Variants in ELOC observed in about 807,000 individuals in gnomAD.
ELOC encodes elongin C.
For synonymous variants in ELOC, 40 were observed against 51.3 expected, an observed-to-expected ratio of 0.78 and a Z score of 0.94; for missense variants, 38 against 139.0, an observed-to-expected ratio of 0.27 and a Z score of 3.65.
chr8:73,971,872 A>G (rs1453488781), intron 1 of ELOC: 1 of 152,206 alleles, frequency 6.6e-6, no homozygotes, highest in Admixed American at 6.6e-5. Context: ...AAACCCACCG[A>G]GCGGCGCCAG....
intron 1 of ELOC, among the ~76,000 whole-genome samples, chr8:73,965,917 G>T (rs1307350748): frequency 6.6e-6 from 1 of 152,082 alleles, no homozygotes; most frequent in East Asian, 1.9e-4. Flanking sequence ...TACAACAGAA[G>T]ATCTGTTAAG....
intron 3 of ELOC, among the ~76,000 whole-genome samples, chr8:73,954,886 T>C (rs1405504394): frequency 6.7e-6 from 1 of 149,140 alleles, no homozygotes; most frequent in Non-Finnish European, 1.5e-5. Context: ...TACAAAAAAT[T>C]AGCCAGGCGT....
rs1033529043 is a variant in ELOC at position 73,966,795 on chromosome 8, CTAATA to C, written c.-51+5277_-51+5281del. ...AGCCCAAGACATGGGTCTTGAATGC[CTAATA>C]TAATAGTAAACAACACTACATAAGA... On this transcript the variant is annotated intron_variant, in intron 1 of 3. Transcript: ENST00000520242. Among the ~76,000 whole-genome samples the C allele has an allele frequency of 5.9e-5, 9 of 152,156 alleles. No homozygotes were observed. The East Asian group carries it at 9.6e-4, about 16-fold the overall frequency.
intron 1 of ELOC, among the ~76,000 whole-genome samples, chr8:73,965,654 A>T (rs1168705084): frequency 1.3e-5 from 2 of 152,232 alleles, no homozygotes; most frequent in Non-Finnish European, 2.9e-5. Context: ...ATATTTGTCA[A>T]AACTAAATGG....
In ELOC at chr8:73,945,208, C is replaced by A. The variant is rs1205193834; in HGVS notation, c.*1422G>T. On this transcript the variant is annotated 3_prime_UTR_variant, in exon 4 of 4. Coordinates refer to ENST00000520242, the MANE Select transcript of ELOC (RefSeq NM_005648.4). The stretch of plus-strand genomic sequence containing the variant: ...TCTCGGCTCACTGCCACCTCCACCT[C>A]CCAGGTTCAAGCGATTCTCATGCCT... 2.0e-5 allele frequency: 3 copies of A among 150,806 alleles called. No individual in the cohort carries two copies. In the East Asian group the frequency reaches 5.9e-4, roughly 30 times the overall value. The allele number at this position is 150,806 out of a possible 1,614,324, so 9.3% of individuals were successfully genotyped here. A position where few individuals can be genotyped will look rare whatever the true frequency, so the allele number is the denominator to read the frequency against.
At chr8:73,953,225 G>T (rs1813892905) in intron 3 of ELOC, among the ~76,000 whole-genome samples, 1 of 152,168 alleles carries the variant, frequency 6.6e-6, no homozygotes, top group Non-Finnish European at 1.5e-5. Flanking sequence ...AGAATCGTTT[G>T]AACCTGGGAG....
chr8:73,950,511 TAAA>T (rs1813684806), intron 3 of ELOC, among the ~76,000 whole-genome samples: 1 of 152,194 alleles, frequency 6.6e-6, no homozygotes, highest in Non-Finnish European at 1.5e-5. Context: ...TTTTAGCTAA[TAAA>T]TGCAAAAAAT....
intron 3 of ELOC, among the ~76,000 whole-genome samples, chr8:73,947,308 G>T (rs1230469261): frequency 6.6e-6 from 1 of 152,086 alleles, no homozygotes; most frequent in South Asian, 2.1e-4. Context: ...TCTCGTAAGA[G>T]ATCCGGACAG....
At position 73,955,760 on chromosome 8, in the gene ELOC, GTC is replaced by G. The variant is rs1814135812; in HGVS notation, c.148+149_148+150del. 8 of 921,018 alleles carry G rather than the reference GTC, an allele frequency of 8.7e-6. No individual in the cohort carries two copies. The East Asian group carries it at 2.2e-4, about 25-fold the overall frequency. 57.1% of individuals were successfully genotyped at this position (921,018 alleles called of 1,614,324 possible). A position where few individuals can be genotyped will look rare whatever the true frequency, so the allele number is the denominator to read the frequency against. ...AGCCTGGGCAACAGAATGAGACTCT[GTC>G]TCTCTCAAACAAAAGAACAAAAACA... On this transcript the variant is annotated intron_variant, in intron 3 of 3. Coordinates refer to ENST00000520242, the MANE Select transcript of ELOC (RefSeq NM_005648.4).
intron 1 of ELOC, among the ~76,000 whole-genome samples, chr8:73,967,468 C>CTTTTT (rs201615321): frequency 2.2e-5 from 3 of 135,852 alleles, no homozygotes; most frequent in Non-Finnish European, 4.7e-5. Context: ...ATTTTCTTTT[C>CTTTTT]TTTTTTTTTT....
In ELOC at chr8:73,956,065, G is replaced by T. The variant is rs1814157802; in HGVS notation, c.5-11C>A. The T allele has an allele frequency of 6.2e-7, 1 of 1,606,612 alleles. No homozygotes were observed. Among genetic ancestry groups the T allele is most frequent in the African/African-American group, 1.3e-5 (1 of 74,696 alleles). On this transcript the variant is annotated splice_polypyrimidine_tract_variant and intron_variant, in intron 2 of 3. Coordinates refer to ENST00000520242, the MANE Select transcript of ELOC (RefSeq NM_005648.4). ...TTTTCTCCTCTCCATCTAAAGTAAAGTAAGTAGTGAAACAATTTTTGAGTC... is the reference window on the plus strand; with the variant it reads ...TTTTCTCCTCTCCATCTAAAGTAAATTAAGTAGTGAAACAATTTTTGAGTC...
chr8:73,953,400 G>C (rs567224774), intron 3 of ELOC, among the ~76,000 whole-genome samples: 17 of 152,226 alleles, frequency 1.1e-4, no homozygotes, highest in Middle Eastern at 3.4e-3. Flanking sequence ...AGAGTGGCCA[G>C]GCACAGTGGC....
chr8:73,963,372 C>T (rs971743773), intron 1 of ELOC, among the ~76,000 whole-genome samples: 21 of 152,056 alleles, frequency 1.4e-4, no homozygotes, highest in African/African-American at 4.3e-4. Flanking sequence ...GGTAAGTCTC[C>T]ATTTTGTTCT....
rs1311032872 is a variant in ELOC at position 73,958,544 on chromosome 8, C to T, written c.4+1221G>A. On this transcript the variant is annotated intron_variant, in intron 2 of 3. Coordinates refer to ENST00000520242, the MANE Select transcript of ELOC (RefSeq NM_005648.4). Reference sequence around the variant, plus strand: ...TTTTTGTCTAATTTTTCATAAAAAGCGGGAGGAGCCATAAAGATGTAAGTA... The same window carrying T: ...TTTTTGTCTAATTTTTCATAAAAAGTGGGAGGAGCCATAAAGATGTAAGTA... Among the ~76,000 whole-genome samples the T allele has an allele frequency of 2.0e-5, 3 of 151,912 alleles. No homozygotes were observed. The East Asian group carries it at 5.8e-4, about 29-fold the overall frequency.
chr8:73,966,842 C>G (rs560740017), intron 1 of ELOC, among the ~76,000 whole-genome samples: 2 of 152,228 alleles, frequency 1.3e-5, no homozygotes, highest in South Asian at 4.1e-4. Context: ...TCCTCCTTTG[C>G]TACATTATCC....
chr8:73,960,132 A>G (rs1468305197), intron 1 of ELOC, among the ~76,000 whole-genome samples: 1 of 152,246 alleles, frequency 6.6e-6, no homozygotes, highest in East Asian at 1.9e-4. Flanking sequence ...ACATGTTAAA[A>G]GTAACAGACG....
At chr8:73,961,800 G>A (rs1399296423) in intron 1 of ELOC, among the ~76,000 whole-genome samples, 1 of 151,964 alleles carries the variant, frequency 6.6e-6, no homozygotes, top group African/African-American at 2.4e-5. Context: ...TTGAGATAAA[G>A]CAGAGAAAAT....
At chr8:73,958,137 C>G (rs1814335576) in intron 2 of ELOC, among the ~76,000 whole-genome samples, 1 of 149,974 alleles carries the variant, frequency 6.7e-6, no homozygotes, top group African/African-American at 2.5e-5. Context: ...GCTCTGTTAC[C>G]CAGGCTGGAG....
intron 3 of ELOC, among the ~76,000 whole-genome samples, chr8:73,954,771 C>T (rs1269653148): frequency 1.3e-5 from 2 of 151,780 alleles, no homozygotes; most frequent in East Asian, 1.9e-4. Context: ...GTGGCTCACA[C>T]CTATAATCCC....
Sources: allele counts gnomAD v4.1 joint callset (sites outside exome capture counted in the v4.1 genomes callset), GRCh38; gene constraint gnomAD v4.1.1; transcripts MANE v1.5; gene names NCBI Gene and HGNC (gene_info 2026-07-23, HGNC 2026-07-21).